Variants in SYT1 observed in about 807,000 individuals in gnomAD.
SYT1 encodes synaptotagmin 1.
SYT1 carries 8 observed loss-of-function variants against 44.8 expected under a neutral mutation model. That is an observed-to-expected ratio of 0.18 (90% CI 0.10 to 0.32). SYT1 has a LOEUF of 0.32. Among genes scored for constraint, SYT1 ranks in the 10% least tolerant of loss-of-function variants. The probability of loss-of-function intolerance (pLI) is 1.00; values close to 1 mark genes in which losing one functional copy is unlikely to be tolerated. For missense variants in SYT1, 286 were observed against 509.3 expected (o/e 0.56, Z 4.22); for synonymous variants, 154 against 188.8 (o/e 0.82, Z 1.51).
At chr12:79,225,260 G>A (rs1035337356) in intron 4 of SYT1, among the ~76,000 whole-genome samples, 1 of 152,082 alleles carries the variant, frequency 6.6e-6, no homozygotes, top group African/African-American at 2.4e-5. Flanking sequence ...AAGCATACAA[G>A]GAATCAGCTT....
intron 3 of SYT1, among the ~76,000 whole-genome samples, chr12:79,089,853 C>T (rs1428064031): frequency 6.6e-6 from 1 of 152,100 alleles, no homozygotes; most frequent in Non-Finnish European, 1.5e-5. Context: ...AGTTTCTCCT[C>T]CCCTGTGCAG....
intron 9 of SYT1, among the ~76,000 whole-genome samples, chr12:79,381,534 T>C (rs1216225410): frequency 4.6e-5 from 7 of 152,230 alleles, no homozygotes; most frequent in Non-Finnish European, 8.8e-5. Flanking sequence ...TGAATTTCTG[T>C]TAGAATAACA....
chr12:79,396,100 A>G (rs1187084799), intron 9 of SYT1, among the ~76,000 whole-genome samples: 1 of 152,168 alleles, frequency 6.6e-6, no homozygotes. Flanking sequence ...ATATTTTAAT[A>G]CTTTAGAAAT....
At chr12:79,005,200 T>C (rs1870999184) in intron 2 of SYT1, among the ~76,000 whole-genome samples, 1 of 152,042 alleles carries the variant, frequency 6.6e-6, no homozygotes, top group African/African-American at 2.4e-5. Flanking sequence ...AGGCCAGCCA[T>C]AGACTTTAGA....
At chr12:79,425,271 G>T (rs1253240903) in intron 9 of SYT1, among the ~76,000 whole-genome samples, 1 of 152,078 alleles carries the variant, frequency 6.6e-6, no homozygotes, top group Non-Finnish European at 1.5e-5. Flanking sequence ...CTAGCAAAGT[G>T]CTGGATAATC....
Position 79,451,062 on chromosome 12 carries a change from A to C in SYT1, c.*1938A>C, listed in dbSNP as rs1871028447. 6.6e-6 allele frequency: 1 copy of C among 152,206 alleles called. No individual in the cohort carries two copies. Among genetic ancestry groups the C allele is most frequent in the Non-Finnish European group, 1.5e-5 (1 of 68,024 alleles). 9.4% of individuals were successfully genotyped at this position (152,206 alleles called of 1,614,324 possible). A position where few individuals can be genotyped will look rare whatever the true frequency, so the allele number is the denominator to read the frequency against. On this transcript the variant is annotated 3_prime_UTR_variant, in exon 11 of 11. Transcript: ENST00000261205. ...TCACACCACGTCTTTTCAAAAACTA[A>C]AGAGAATTCAAAAAGGGCTGATGGT...
intron 4 of SYT1, among the ~76,000 whole-genome samples, chr12:79,251,832 T>G (rs751526994): frequency 6.6e-6 from 1 of 152,162 alleles, no homozygotes; most frequent in Non-Finnish European, 1.5e-5. Context: ...CTTCCATGCT[T>G]TGGAAAAACT....
chr12:78,906,784 C>T (rs1876008102), intron 1 of SYT1, among the ~76,000 whole-genome samples: 1 of 152,042 alleles, frequency 6.6e-6, no homozygotes, highest in Non-Finnish European at 1.5e-5. Context: ...TGCTAGAGCA[C>T]CACGGTATCC....
At chr12:79,177,003 T>C (rs973923414) in intron 3 of SYT1, among the ~76,000 whole-genome samples, 6 of 151,700 alleles carry the variant, frequency 4.0e-5, no homozygotes, top group Non-Finnish European at 8.8e-5. Context: ...TCTCCAAAAT[T>C]TCACTGATAA....
chr12:78,999,043 A>G (rs1279044561), intron 2 of SYT1, among the ~76,000 whole-genome samples: 1 of 152,224 alleles, frequency 6.6e-6, no homozygotes, highest in African/African-American at 2.4e-5. Context: ...GAACATCAAT[A>G]CTTTGGACCA....
intron 8 of SYT1, among the ~76,000 whole-genome samples, chr12:79,352,937 C>T (rs577833392): frequency 6.6e-6 from 1 of 152,260 alleles, no homozygotes; most frequent in South Asian, 2.1e-4. Flanking sequence ...ATGAGTAATA[C>T]TAAAAGTGCG....
chr12:79,394,775 C>T (rs537504351), intron 9 of SYT1, among the ~76,000 whole-genome samples: 31 of 152,232 alleles, frequency 2.0e-4, no homozygotes, highest in African/African-American at 5.3e-4. Context: ...ATATGTTTTA[C>T]GCTTATTAAT....
At chr12:78,896,507 A>G (rs1875366211) in intron 1 of SYT1, among the ~76,000 whole-genome samples, 2 of 151,802 alleles carry the variant, frequency 1.3e-5, no homozygotes. Context: ...TTTACCTGAA[A>G]CATGTTTTTA....
chr12:79,388,271 C>T (rs1336624248), intron 9 of SYT1, among the ~76,000 whole-genome samples: 3 of 152,200 alleles, frequency 2.0e-5, no homozygotes. Context: ...CACTACTATG[C>T]ATCACGAGTG....
At chr12:79,251,907 A>T (rs1310495464) in intron 4 of SYT1, among the ~76,000 whole-genome samples, 1 of 107,156 alleles carries the variant, frequency 9.3e-6, no homozygotes, top group African/African-American at 3.6e-5. Flanking sequence ...ATATCTCCTA[A>T]TGGAGTTTTA....
chr12:78,924,351 G>A (rs1369527008), intron 1 of SYT1, among the ~76,000 whole-genome samples: 1 of 151,808 alleles, frequency 6.6e-6, no homozygotes, highest in Non-Finnish European at 1.5e-5. Flanking sequence ...ATTGGGGAAA[G>A]TTACATTGAG....
At chr12:79,202,978 A>G (rs1873879762) in intron 3 of SYT1, among the ~76,000 whole-genome samples, 1 of 152,180 alleles carries the variant, frequency 6.6e-6, no homozygotes, top group African/African-American at 2.4e-5. Flanking sequence ...TGTAATGAAA[A>G]TCTCTTAGAC....
intron 3 of SYT1, among the ~76,000 whole-genome samples, chr12:79,066,860 C>T (rs975752562): frequency 1.5e-4 from 23 of 152,156 alleles, no homozygotes; most frequent in African/African-American, 5.6e-4. Context: ...CATTTTCCAA[C>T]TTGATCTCCA....
intron 1 of SYT1, among the ~76,000 whole-genome samples, chr12:78,928,748 G>A (rs1877447176): frequency 6.6e-6 from 1 of 152,096 alleles, no homozygotes; most frequent in Admixed American, 6.6e-5. Context: ...GTAGGAGCAG[G>A]ATGGCATGAG....
Sources: gnomAD v4.1 joint callset for allele counts (sites outside exome capture counted in the v4.1 genomes callset) on GRCh38, gnomAD v4.1.1 for gene constraint, MANE v1.5 for transcripts, NCBI Gene and HGNC (gene_info 2026-07-23, HGNC 2026-07-21) for gene names.